Variants in PHF21B observed in about 807,000 individuals in gnomAD.
The protein encoded by PHF21B is PHD finger protein 21B, also known as PHD finger protein 4.
In PHF21B, 22 loss-of-function variants were observed where a neutral mutation model predicts 62.2. The observed-to-expected ratio is 0.35, with a 90% CI of 0.25 to 0.51. PHF21B has a LOEUF of 0.51. PHF21B is among the 20% of genes least tolerant of loss of function. PHF21B has a pLI of 0.97. For synonymous variants in PHF21B, 341 were observed against 314.7 expected, an observed-to-expected ratio of 1.08 and a Z score of -0.88; for missense variants, 701 against 707.9, an observed-to-expected ratio of 0.99 and a Z score of 0.11.
At chr22:44,883,373 G>A (rs1298462071) in intron 12 of PHF21B, 69 bp from the exon 13 acceptor site, 26 of 1,468,524 alleles carry the variant, frequency 1.8e-5, no homozygotes, top group South Asian at 3.7e-5. Flanking sequence ...GGCAGCCACC[G>A]TCTGGGCCCC....
intron 2 of PHF21B, among the ~76,000 whole-genome samples, chr22:44,984,047 T>G (rs1284902976): frequency 1.4e-5 from 2 of 143,038 alleles, no homozygotes; most frequent in Non-Finnish European, 3.1e-5. Context: ...ATCACCACCA[T>G]CATCACTATC....
intron 2 of PHF21B, among the ~76,000 whole-genome samples, chr22:44,942,862 G>A (rs1280301287): frequency 1.3e-5 from 2 of 152,114 alleles, no homozygotes; most frequent in East Asian, 3.9e-4. Context: ...CCATCTTTAT[G>A]ATGGGGTGGG....
At chr22:44,942,362 T>C (rs775975331) in intron 2 of PHF21B, among the ~76,000 whole-genome samples, 2 of 152,114 alleles carry the variant, frequency 1.3e-5, no homozygotes, top group Non-Finnish European at 2.9e-5. Context: ...CCGAGGACCC[T>C]GGAACACACA....
In PHF21B at chr22:44,882,987, A is replaced by G; in HGVS notation, c.*99T>C. 1 of 1,347,660 alleles carries G rather than the reference A, an allele frequency of 7.4e-7. No homozygotes were observed. The highest frequency in any genetic ancestry group is 1.0e-6 in the Non-Finnish European group (1 of 992,784). 83.5% of individuals were successfully genotyped at this position (1,347,660 alleles called of 1,614,324 possible). ...CCTCTGTCTGGTTAATTTTTGTCTG[A>G]AATTCATAGTGTTTATGAATTAAGG... On this transcript the variant is annotated 3_prime_UTR_variant, in exon 13 of 13. Coordinates refer to ENST00000313237, the MANE Select transcript of PHF21B (RefSeq NM_138415.5).
intron 5 of PHF21B, among the ~76,000 whole-genome samples, chr22:44,911,570 G>T (rs1360424071): frequency 6.6e-6 from 1 of 152,262 alleles, no homozygotes; most frequent in African/African-American, 2.4e-5. Flanking sequence ...GGAAGCACAA[G>T]CCTCGGCAGC....
At chr22:44,944,565 G>A (rs771893453) in intron 2 of PHF21B, among the ~76,000 whole-genome samples, 4 of 152,184 alleles carry the variant, frequency 2.6e-5, no homozygotes, top group Non-Finnish European at 5.9e-5. Context: ...CAGAGTTTGG[G>A]AATTTCCTAA....
rs139070840 is a variant in PHF21B, at chr22:44,948,595, G to A, written c.121-28105C>T. On this transcript the variant is annotated intron_variant, in intron 2 of 12. Transcript: ENST00000313237. The stretch of plus-strand genomic sequence containing the variant: ...AGTCCCAGATACTTGGGAGGCTGAG[G>A]CACAAGAATCGCTCGAACCCGGGAG... Among the ~76,000 whole-genome samples, 261 of 152,052 alleles carry A rather than the reference G, an allele frequency of 1.7e-3. 2 individuals are homozygous for A. The highest frequency in any genetic ancestry group is 6.1e-3 in the African/African-American group (251 of 41,440).
Position 44,926,045 on chromosome 22 carries a change from C to T in PHF21B, c.121-5555G>A, listed in dbSNP as rs1253193126. On this transcript the variant is annotated intron_variant, in intron 2 of 12. Coordinates refer to ENST00000313237, the MANE Select transcript of PHF21B (RefSeq NM_138415.5). ...GCAAGCCCTGTGGTGGGAAGGCCCA[C>T]GTGGCCCGGCCTGCAGTGGATTTCC... Among the ~76,000 whole-genome samples, 5 of 150,024 alleles carry T rather than the reference C, an allele frequency of 3.3e-5. No individual in the cohort carries two copies. In the East Asian group the frequency reaches 5.9e-4, roughly 18 times the overall value.
intron 2 of PHF21B, among the ~76,000 whole-genome samples, chr22:44,970,274 G>A (rs2072612221): frequency 6.6e-6 from 1 of 152,268 alleles, no homozygotes. Context: ...GCTCTGCACA[G>A]AAGGGCAGGG....
At chr22:44,976,090 G>A (rs912564629) in intron 2 of PHF21B, among the ~76,000 whole-genome samples, 9 of 152,124 alleles carry the variant, frequency 5.9e-5, no homozygotes, top group Non-Finnish European at 1.2e-4. Flanking sequence ...AGGATCACCC[G>A]AGCCCAGGAG....
intron 5 of PHF21B, among the ~76,000 whole-genome samples, chr22:44,903,942 T>C (rs1176516040): frequency 6.6e-6 from 1 of 152,232 alleles, no homozygotes; most frequent in Non-Finnish European, 1.5e-5. Context: ...TTTATTATGG[T>C]TACTGAGTTA....
intron 2 of PHF21B, among the ~76,000 whole-genome samples, chr22:44,935,292 G>A (rs972359346): frequency 2.6e-4 from 39 of 152,246 alleles, no homozygotes; most frequent in African/African-American, 6.7e-4. Context: ...GAGAACTAAC[G>A]TTCACACAGG....
intron 5 of PHF21B, among the ~76,000 whole-genome samples, chr22:44,899,046 C>A (rs371472869): frequency 6.6e-6 from 1 of 152,166 alleles, no homozygotes; most frequent in Non-Finnish European, 1.5e-5. Flanking sequence ...GCTTTAGGGT[C>A]TATTTTAATA....
At chr22:44,945,396 G>T (rs182340372) in intron 2 of PHF21B, among the ~76,000 whole-genome samples, 1 of 152,212 alleles carries the variant, frequency 6.6e-6, no homozygotes, top group African/African-American at 2.4e-5. Context: ...TTCCCAAGCA[G>T]CCGCCCCTAG....
chr22:44,926,160 T>C (rs2071626809), intron 2 of PHF21B, among the ~76,000 whole-genome samples: 1 of 86,694 alleles, frequency 1.2e-5, no homozygotes, highest in Non-Finnish European at 2.9e-5. Context: ...GGAAGGTCCA[T>C]GAGGCATGAC....
intron 2 of PHF21B, among the ~76,000 whole-genome samples, chr22:44,943,217 TAGTCCCTGAGCCCGTCCCCAGGAGCACAC>T (rs1189902153): frequency 6.6e-6 from 1 of 152,124 alleles, no homozygotes; most frequent in East Asian, 1.9e-4. Flanking sequence ...GAGCTGCCTG[TAGTCCCTGAGCCCGTCCCCAGGAGCACAC>T]AGTCCCTGTG....
At chr22:45,004,383 G>T (rs1306625223) in intron 2 of PHF21B, among the ~76,000 whole-genome samples, 1 of 152,084 alleles carries the variant, frequency 6.6e-6, no homozygotes, top group Non-Finnish European at 1.5e-5. Flanking sequence ...CTGTGTGTGT[G>T]GGGGGTGTGA....
At chr22:44,974,117 T>C (rs533030526) in intron 2 of PHF21B, among the ~76,000 whole-genome samples, 73 of 152,240 alleles carry the variant, frequency 4.8e-4, no homozygotes, top group Admixed American at 9.2e-4. Context: ...TGTGATGCTG[T>C]AAACGTGCAT....
intron 7 of PHF21B, among the ~76,000 whole-genome samples, chr22:44,891,594 C>T (rs941511456): frequency 4.6e-5 from 7 of 152,174 alleles, no homozygotes; most frequent in African/African-American, 1.7e-4. Flanking sequence ...GCTCTGCCTG[C>T]AGGAGGCCTA....
Sources: allele counts gnomAD v4.1 joint callset (sites outside exome capture counted in the v4.1 genomes callset), GRCh38; gene constraint gnomAD v4.1.1; transcripts MANE v1.5; gene names NCBI Gene and HGNC (gene_info 2026-07-23, HGNC 2026-07-21).